VTA1: variants seen among roughly 807,000 people sequenced by gnomAD.
The protein encoded by VTA1 is vesicle trafficking 1, also known as vacuolar protein sorting-associated protein VTA1 homolog.
In VTA1, 24 loss-of-function variants were observed where a neutral mutation model predicts 36.9. The ratio of observed to expected loss-of-function variants is 0.65; its 90% CI spans 0.47 to 0.91. The LOEUF (loss-of-function observed/expected upper bound fraction) is 0.91, where lower values mean the gene tolerates loss of function less well. Among genes scored for constraint, VTA1 ranks in the 40% least tolerant of loss-of-function variants. The probability of loss-of-function intolerance (pLI) is 0.00; values close to 1 mark genes in which losing one functional copy is unlikely to be tolerated. For missense variants in VTA1, 393 were observed against 377.2 expected (o/e 1.04, Z -0.35); for synonymous variants, 142 against 130.2 (o/e 1.09, Z -0.62).
At chr6:142,162,989 A>C (rs974462018) in intron 1 of VTA1, among the ~76,000 whole-genome samples, 2 of 152,220 alleles carry the variant, frequency 1.3e-5, no homozygotes, top group African/African-American at 4.8e-5. Flanking sequence ...AAGAGAGCAC[A>C]TAAAATTGTT....
intron 6 of VTA1, among the ~76,000 whole-genome samples, chr6:142,201,869 C>A (rs1390082786): frequency 2.0e-5 from 3 of 152,084 alleles, no homozygotes; most frequent in African/African-American, 7.2e-5. Context: ...TTCTGTGTCT[C>A]TCCAAATGCT....
At position 142,221,110 on chromosome 6, in the gene VTA1, T is replaced by C. The variant is rs1376924649; in HGVS notation, c.*2467T>C. ...TTAGCTCTACCCAAATCAGAAATAT[T>C]GCAAGTCTGAGAAAAGAGATTCTCC... On this transcript the variant is annotated 3_prime_UTR_variant, in exon 8 of 8. Coordinates refer to ENST00000367630, the MANE Select transcript of VTA1 (RefSeq NM_016485.5). The C allele has an allele frequency of 1.3e-5, 2 of 152,152 alleles. No individual in the cohort carries two copies. The highest frequency in any genetic ancestry group is 2.9e-5 in the Non-Finnish European group (2 of 68,028). 9.4% of individuals were successfully genotyped at this position (152,152 alleles called of 1,614,324 possible). A position where few individuals can be genotyped will look rare whatever the true frequency, so the allele number is the denominator to read the frequency against.
chr6:142,161,083 C>CG (rs1467769524), intron 1 of VTA1, among the ~76,000 whole-genome samples: 1 of 140,682 alleles, frequency 7.1e-6, no homozygotes, highest in African/African-American at 2.7e-5. Flanking sequence ...TTCCTTCCCC[C>CG]CCCCCCCTTT....
chr6:142,201,444 GT>G (rs902844602), intron 6 of VTA1, among the ~76,000 whole-genome samples: 1 of 151,940 alleles, frequency 6.6e-6, no homozygotes, highest in African/African-American at 2.4e-5. Context: ...GACAGGGATA[GT>G]GATTGTTTAA....
chr6:142,161,799 A>G (rs1187586372), intron 1 of VTA1, among the ~76,000 whole-genome samples: 1 of 152,262 alleles, frequency 6.6e-6, no homozygotes, highest in East Asian at 1.9e-4. Context: ...CTGTGGCAAA[A>G]AGATGTTTTA....
At position 142,195,905 on chromosome 6, in the gene VTA1, C is replaced by T. The variant is rs116558482; in HGVS notation, c.521-2534C>T. On this transcript the variant is annotated intron_variant, in intron 5 of 7. Transcript: ENST00000367630. ...TCAGAGAACATACTATAAAAGATTT[C>T]GGTATTTTGTAGTTTATCAAGATTT... Among the ~76,000 whole-genome samples the T allele has an allele frequency of 5.7e-3, 860 of 151,968 alleles. 9 individuals are homozygous for T. Among genetic ancestry groups the T allele is most frequent in the African/African-American group, 0.019 (798 of 41,488 alleles).
intron 1 of VTA1, among the ~76,000 whole-genome samples, chr6:142,153,606 G>C (rs1582874281): frequency 1.3e-5 from 2 of 152,062 alleles, no homozygotes; most frequent in Admixed American, 1.3e-4. Flanking sequence ...TTCGAAGTTG[G>C]TTGGTCTTTT....
chr6:142,205,823 C>T (rs950246352), intron 7 of VTA1, among the ~76,000 whole-genome samples: 3 of 151,962 alleles, frequency 2.0e-5, no homozygotes, highest in Non-Finnish European at 4.4e-5. Context: ...TGAACTAAAA[C>T]ATCTAATTTT....
intron 1 of VTA1, among the ~76,000 whole-genome samples, chr6:142,160,331 C>G (rs1275838603): frequency 6.6e-6 from 1 of 152,070 alleles, no homozygotes; most frequent in East Asian, 1.9e-4. Context: ...GCGTTCTAAC[C>G]CTGTGTGTGC....
intron 1 of VTA1, among the ~76,000 whole-genome samples, chr6:142,154,853 T>C (rs538075195): frequency 1.3e-5 from 2 of 152,084 alleles, no homozygotes; most frequent in Non-Finnish European, 2.9e-5. Flanking sequence ...ATTTTGAGAT[T>C]TTTAGTAACA....
Position 142,218,736 on chromosome 6 carries a change from A to G in VTA1, c.*93A>G. 7.1e-7 allele frequency: 1 copy of G among 1,416,864 alleles called. No individual in the cohort carries two copies. The highest frequency in any genetic ancestry group is 2.5e-5 in the East Asian group (1 of 40,382). 87.8% of individuals were successfully genotyped at this position (1,416,864 alleles called of 1,614,324 possible). The stretch of plus-strand genomic sequence containing the variant: ...CCTATCAGGATCACAGTTTTAAGGA[A>G]GACTTGGTTTTGTTGAATATGACAA... On this transcript the variant is annotated 3_prime_UTR_variant, in exon 8 of 8. Coordinates refer to ENST00000367630, the MANE Select transcript of VTA1 (RefSeq NM_016485.5).
chr6:142,151,817 C>A (rs1029443324), intron 1 of VTA1, among the ~76,000 whole-genome samples: 1 of 152,060 alleles, frequency 6.6e-6, no homozygotes, highest in Non-Finnish European at 1.5e-5. Flanking sequence ...GCAGATCACC[C>A]GAGGTCAGGA....
chr6:142,199,723 C>CT (rs1310634007), intron 6 of VTA1, among the ~76,000 whole-genome samples: 4 of 152,158 alleles, frequency 2.6e-5, no homozygotes, highest in African/African-American at 4.8e-5. Context: ...CTAACGTTTT[C>CT]TTTAAGATTA....
At chr6:142,160,290 A>T (rs2114635421) in intron 1 of VTA1, among the ~76,000 whole-genome samples, 1 of 151,858 alleles carries the variant, frequency 6.6e-6, no homozygotes, top group East Asian at 1.9e-4. Context: ...AACATATAGA[A>T]CTCTTCACTC....
intron 1 of VTA1, among the ~76,000 whole-genome samples, chr6:142,147,898 A>G (rs1036995351): frequency 3.3e-5 from 5 of 152,232 alleles, no homozygotes; most frequent in African/African-American, 4.8e-5. Context: ...CTAAATAAGC[A>G]GTTGAATTTG....
chr6:142,166,191 A>T, intron 1 of VTA1, 37 bp from the exon 2 acceptor site: 1 of 1,453,116 alleles, frequency 6.9e-7, no homozygotes, highest in Non-Finnish European at 9.5e-7. Flanking sequence ...GATGTTTAAA[A>T]ATGAAATTGT....
At chr6:142,180,752 T>C (rs1775210736) in intron 4 of VTA1, among the ~76,000 whole-genome samples, 1 of 152,088 alleles carries the variant, frequency 6.6e-6, no homozygotes, top group Non-Finnish European at 1.5e-5. Context: ...AAACATCGCT[T>C]CAGTGATAAT....
chr6:142,200,026 C>G (rs1562267530), intron 6 of VTA1, among the ~76,000 whole-genome samples: 1 of 152,074 alleles, frequency 6.6e-6, no homozygotes, highest in East Asian at 1.9e-4. Context: ...TCAAGAGTCC[C>G]AGACACAAGC....
At chr6:142,190,009 G>A (rs1775423635) in intron 5 of VTA1, among the ~76,000 whole-genome samples, 1 of 151,986 alleles carries the variant, frequency 6.6e-6, no homozygotes. Flanking sequence ...CGCCCACCTT[G>A]GCCTCCCAAA....
Sources: allele counts gnomAD v4.1 joint callset (sites outside exome capture counted in the v4.1 genomes callset), GRCh38; gene constraint gnomAD v4.1.1; transcripts MANE v1.5; gene names NCBI Gene and HGNC (gene_info 2026-07-23, HGNC 2026-07-21).